CLIC4: variants seen among roughly 807,000 people sequenced by gnomAD.
CLIC4 encodes the protein chloride intracellular channel protein 4.
Under a neutral mutation model 24.6 loss-of-function variants are expected in CLIC4, and 13 were observed. The ratio of observed to expected loss-of-function variants is 0.53; its 90% CI spans 0.34 to 0.84. The LOEUF is 0.84. Ranked by LOEUF, CLIC4 falls within the 40% of genes least tolerant of loss-of-function variation. CLIC4 has a pLI of 0.01. For synonymous variants in CLIC4, 104 were observed against 111.3 expected, an observed-to-expected ratio of 0.93 and a Z score of 0.41; for missense variants, 227 against 301.7, an observed-to-expected ratio of 0.75 and a Z score of 1.83.
At chr1:24,776,911 T>A (rs1029477869) in intron 1 of CLIC4, among the ~76,000 whole-genome samples, 1 of 152,014 alleles carries the variant, frequency 6.6e-6, no homozygotes, top group Non-Finnish European at 1.5e-5. Flanking sequence ...AAACTCTGTC[T>A]CAAAAAAAAA....
chr1:24,780,912 G>A (rs910211799), intron 1 of CLIC4, among the ~76,000 whole-genome samples: 12 of 151,682 alleles, frequency 7.9e-5, no homozygotes, highest in African/African-American at 2.9e-4. Flanking sequence ...ACATGGAGAA[G>A]CCCTGTCTCT....
At chr1:24,838,292 A>G (rs1329007281) in intron 4 of CLIC4, among the ~76,000 whole-genome samples, 5 of 152,270 alleles carry the variant, frequency 3.3e-5, no homozygotes, top group Admixed American at 6.5e-5. Context: ...GAGGGGCTCA[A>G]TTATATTTTG....
At chr1:24,767,155 C>T (rs370625266) in intron 1 of CLIC4, among the ~76,000 whole-genome samples, 8 of 151,824 alleles carry the variant, frequency 5.3e-5, no homozygotes, top group Non-Finnish European at 1.2e-4. Context: ...GGCCCACGGA[C>T]CTCAGGTTGG....
At chr1:24,816,711 C>T (rs541048542) in intron 3 of CLIC4, among the ~76,000 whole-genome samples, 8 of 152,320 alleles carry the variant, frequency 5.3e-5, no homozygotes, top group Admixed American at 5.2e-4. Context: ...GTTGTGTTAG[C>T]AGGCATGAAA....
At chr1:24,756,926 G>A (rs12067047) in intron 1 of CLIC4, among the ~76,000 whole-genome samples, 3 of 147,448 alleles carry the variant, frequency 2.0e-5, no homozygotes, top group African/African-American at 5.1e-5. Context: ...ACGGAGTTTC[G>A]CTCTTGTTGC....
chr1:24,760,120 C>G (rs1279498138), intron 1 of CLIC4, among the ~76,000 whole-genome samples: 1 of 152,054 alleles, frequency 6.6e-6, no homozygotes, highest in African/African-American at 2.4e-5. Context: ...AATCCCAGCA[C>G]TTTGGGAGGC....
rs112004538 is a variant in CLIC4 at position 24,764,658 on chromosome 1, GA to G, written c.72+19046del. Among the ~76,000 whole-genome samples the G allele has an allele frequency of 1.3e-3, 181 of 142,668 alleles. 4 individuals carry two copies. Among genetic ancestry groups the G allele is most frequent in the Admixed American group, 3.6e-3 (51 of 14,292 alleles). 93.6% of individuals were successfully genotyped at this position (142,668 alleles called of 152,430 possible). A position where few individuals can be genotyped will look rare whatever the true frequency, so the allele number is the denominator to read the frequency against. On this transcript the variant is annotated intron_variant, in intron 1 of 5. Coordinates refer to ENST00000374379, the MANE Select transcript of CLIC4 (RefSeq NM_013943.3). ...GACAGAGCAAGACCCTATCTCAAGGGAAAAAAAAAAAAATTCATACTCTGGT... is the reference window on the plus strand; with the variant it reads ...GACAGAGCAAGACCCTATCTCAAGGGAAAAAAAAAAAATTCATACTCTGGT...
chr1:24,809,556 C>T (rs189852683), intron 2 of CLIC4, among the ~76,000 whole-genome samples: 10 of 152,254 alleles, frequency 6.6e-5, no homozygotes, highest in Admixed American at 3.9e-4. Flanking sequence ...CTGTAACCTC[C>T]GCCTTCCAGC....
chr1:24,757,964 G>T (rs114341078), intron 1 of CLIC4, among the ~76,000 whole-genome samples: 2,058 of 151,960 alleles, frequency 0.014, 50 homozygotes, highest in African/African-American at 0.047. Context: ...TCTCAGTGTT[G>T]CCCAGGCTGG....
At chr1:24,819,438 A>G (rs1277935033) in intron 3 of CLIC4, among the ~76,000 whole-genome samples, 5 of 151,434 alleles carry the variant, frequency 3.3e-5, no homozygotes, top group Admixed American at 2.6e-4. Flanking sequence ...AGTGGAAATA[A>G]CTTTTTTTTT....
At chr1:24,760,262 A>G (rs1005460864) in intron 1 of CLIC4, among the ~76,000 whole-genome samples, 1 of 151,848 alleles carries the variant, frequency 6.6e-6, no homozygotes, top group Non-Finnish European at 1.5e-5. Context: ...GCTACTTGGG[A>G]GGCTGAGGCA....
rs1557805454 is a variant in CLIC4 at position 24,798,668 on chromosome 1, G to GGT, written c.182+818_182+819dup. On this transcript the variant is annotated intron_variant, in intron 2 of 5. Transcript: ENST00000374379. Reference sequence around the variant, plus strand: ...CCCCACGGTGTCCCTCTCTTTCCACGGTCTCCCTCTCTTTCCACGGTCTCC... The same window carrying GGT: ...CCCCACGGTGTCCCTCTCTTTCCACGGTGTCTCCCTCTCTTTCCACGGTCTCC... 6.6e-5 allele frequency among the ~76,000 whole-genome samples: 10 copies of GGT among 151,382 alleles called. No homozygotes were observed. In the East Asian group the frequency reaches 1.4e-3, roughly 21 times the overall value.
chr1:24,800,503 C>T (rs1040881175), intron 2 of CLIC4, among the ~76,000 whole-genome samples: 12 of 151,846 alleles, frequency 7.9e-5, no homozygotes, highest in Admixed American at 2.0e-4. Context: ...CGCCTCTGCC[C>T]GGCCGCCCCT....
At chr1:24,787,416 A>G (rs2124119942) in intron 1 of CLIC4, among the ~76,000 whole-genome samples, 2 of 152,240 alleles carry the variant, frequency 1.3e-5, no homozygotes, top group Middle Eastern at 3.4e-3. Context: ...ATCTATATGT[A>G]TATATTTAAA....
chr1:24,794,611 C>T (rs1639376956), intron 1 of CLIC4, among the ~76,000 whole-genome samples: 1 of 152,090 alleles, frequency 6.6e-6, no homozygotes, highest in Non-Finnish European at 1.5e-5. Context: ...GCATATTTTG[C>T]AAATATTTTC....
intron 1 of CLIC4, among the ~76,000 whole-genome samples, chr1:24,780,950 G>A (rs1424925768): frequency 6.6e-6 from 1 of 151,792 alleles, no homozygotes; most frequent in Non-Finnish European, 1.5e-5. Flanking sequence ...AGCTGGGCAC[G>A]GTGGCGCATG....
At chr1:24,749,227 TA>T (rs371078491) in intron 1 of CLIC4, among the ~76,000 whole-genome samples, 341 of 134,836 alleles carry the variant, frequency 2.5e-3, no homozygotes, top group Admixed American at 2.4e-3. Context: ...AAATAAAAAT[TA>T]AAAAAAAAAA....
chr1:24,837,494 A>G (rs1639897524), intron 4 of CLIC4, among the ~76,000 whole-genome samples: 1 of 152,182 alleles, frequency 6.6e-6, no homozygotes, highest in Admixed American at 6.5e-5. Flanking sequence ...ACTTTCATAT[A>G]CCTTTCCAGG....
At chr1:24,801,258 G>C (rs972021749) in intron 2 of CLIC4, among the ~76,000 whole-genome samples, 2 of 152,204 alleles carry the variant, frequency 1.3e-5, no homozygotes, top group African/African-American at 2.4e-5. Context: ...AGGTTTAATT[G>C]ACTGGCAGTT....
Sources: gnomAD v4.1 joint callset for allele counts (sites outside exome capture counted in the v4.1 genomes callset) on GRCh38, gnomAD v4.1.1 for gene constraint, MANE v1.5 for transcripts, NCBI Gene and HGNC (gene_info 2026-07-23, HGNC 2026-07-21) for gene names.